IVD: variants seen among roughly 807,000 people sequenced by gnomAD.
IVD encodes isovaleryl-CoA dehydrogenase.
Under a neutral mutation model 51.3 loss-of-function variants are expected in IVD, and 31 were observed. That is an observed-to-expected ratio of 0.60 (90% CI 0.45 to 0.81). IVD has a LOEUF of 0.81. Among genes scored for constraint, IVD ranks in the 40% least tolerant of loss-of-function variants. The pLI is 0.00. For synonymous variants in IVD, 205 were observed against 219.4 expected (o/e 0.93, Z 0.58); for missense variants, 475 against 552.0 (o/e 0.86, Z 1.40).
intron 11 of IVD, 140 bp from the exon 12 acceptor site, chr15:40,417,990 C>T: frequency 2.8e-6 from 3 of 1,090,780 alleles, no homozygotes; most frequent in Non-Finnish European, 4.0e-6. Flanking sequence ...TTCCCCACAC[C>T]CCTCCCTCTT....
At chr15:40,432,938 G>A (rs956725966) in intron 7 of IVD, among the ~76,000 whole-genome samples, 2 of 152,254 alleles carry the variant, frequency 1.3e-5, no homozygotes, top group African/African-American at 2.4e-5. Context: ...TTCCAGTATG[G>A]AAGCAGGGCA....
At chr15:40,406,086 C>G in intron 1 of IVD, 115 bp downstream of exon 1, 2 of 1,542,900 alleles carry the variant, frequency 1.3e-6, no homozygotes, top group East Asian at 2.5e-5. Context: ...GGCTTTTGCC[C>G]GTGGGCCGTT....
chr15:40,427,307 G>C (rs911037266), downstream of IVD, among the ~76,000 whole-genome samples: 5 of 152,240 alleles, frequency 3.3e-5, no homozygotes, highest in Non-Finnish European at 7.3e-5. Flanking sequence ...ACATGGGTGA[G>C]CATGCACATG....
chr15:40,428,981 C>T (rs73385159), downstream of IVD, among the ~76,000 whole-genome samples: 194 of 152,298 alleles, frequency 1.3e-3, no homozygotes, highest in African/African-American at 4.5e-3. Context: ...CTGCATTCCC[C>T]TCATCCCCAA....
chr15:40,405,921 C>T lies in IVD; in HGVS notation c.94C>T (p.Leu32Phe). 1 of 1,613,148 alleles carries T rather than the reference C, an allele frequency of 6.2e-7. No homozygotes were observed. The highest frequency in any genetic ancestry group is 8.5e-7 in the Non-Finnish European group (1 of 1,179,832). The change falls in exon 1 of 12, where the codon CTT becomes TTT. Residue 32 changes from leucine to phenylalanine, a missense_variant. Physicochemically the swap from Leu to Phe is conservative, Grantham distance 22. Transcript: ENST00000487418. Reference protein sequence around the residue: ...AGFVSQRAHSLLPVDDAINGL... With the variant: ...AGFVSQRAHSFLPVDDAINGL... ...CTTCGTTTCCCAGCGGGCCCACTCG[C>T]TTTTGCCCGTGGACGATGCAATCAA...
At position 40,411,616 on chromosome 15, in the gene IVD, C is replaced by G; in HGVS notation, c.612C>G (p.Val204=). The change falls in exon 6 of 12, where the codon GTC becomes GTG. Residue 204 remains valine, a synonymous_variant. Transcript: ENST00000487418. The part of the protein sequence containing the change: ...FWITNGPDAD[V]LIVYAKTDLA... ...TCACTAATGGCCCTGATGCTGACGT[C>G]CTGATTGTCTATGCCAAGACAGATC... The G allele has an allele frequency of 6.2e-7, 1 of 1,614,200 alleles. No homozygotes were observed. Among genetic ancestry groups the G allele is most frequent in the Non-Finnish European group, 8.5e-7 (1 of 1,180,032 alleles).
rs771331238 is a variant in IVD, at chr15:40,410,548, G to A, written c.287-80G>A. ...TGCTACAAGGTGCTTCCCTTCTGCC[G>A]TCAAATGTAAGATTCTTAATGAATG... On this transcript the variant is annotated intron_variant, in intron 3 of 11. Transcript: ENST00000487418. 1.6e-4 allele frequency: 251 copies of A among 1,542,982 alleles called. 1 individual carries two copies. The highest frequency in any genetic ancestry group is 1.9e-4 in the Non-Finnish European group (215 of 1,117,680).
At position 40,420,877 on chromosome 15, in the gene IVD, G is replaced by T; in HGVS notation, c.*2614G>T. ...TCTGAGAAGGGAATGGGTCTGGGTTGTTCCACCCCTTCCGAGTTCCAAAAA... is the reference window on the plus strand; with the variant it reads ...TCTGAGAAGGGAATGGGTCTGGGTTTTTCCACCCCTTCCGAGTTCCAAAAA... On this transcript the variant is annotated 3_prime_UTR_variant, in exon 12 of 12. Transcript: ENST00000487418. 1 of 985,572 alleles carries T rather than the reference G, an allele frequency of 1.0e-6. No individual in the cohort carries two copies. 61.1% of individuals were successfully genotyped at this position (985,572 alleles called of 1,614,324 possible).
chr15:40,411,403 T>C, intron 5 of IVD, 50 bp downstream of exon 5: 5 of 1,604,406 alleles, frequency 3.1e-6, no homozygotes, highest in Non-Finnish European at 4.3e-6. Flanking sequence ...GTACAGACAT[T>C]ATCAGGATAA....
At chr15:40,413,160 A>C in intron 7 of IVD, 73 bp downstream of exon 7, 1 of 1,227,932 alleles carries the variant, frequency 8.1e-7, no homozygotes, top group Non-Finnish European at 1.2e-6. Context: ...TCTCAAGTTG[A>C]GAAAGCCTCT....
intron 9 of IVD, 77 bp downstream of exon 9, chr15:40,415,559 G>A: frequency 2.4e-6 from 3 of 1,266,260 alleles, no homozygotes; most frequent in Non-Finnish European, 2.3e-6. Flanking sequence ...AAGTGAGGTG[G>A]GCACCGTGGA....
Position 40,411,491 on chromosome 15 carries a change from G to C in IVD, c.551-64G>C, listed in dbSNP as rs8039298. ...GTGGACAGCTTCTTGCTCAGCAGAA[G>C]GTCTATGGCCTGGCTGAGACAGGCC... On this transcript the variant is annotated intron_variant, in intron 5 of 11. Transcript: ENST00000487418. 2.3e-3 allele frequency: 3,683 copies of C among 1,611,328 alleles called. 78 individuals carry two copies. In the African/African-American group the frequency reaches 0.043, roughly 19 times the overall value.
intron 7 of IVD, 56 bp from the exon 8 acceptor site, chr15:40,414,833 A>T: frequency 6.2e-7 from 1 of 1,608,312 alleles, no homozygotes; most frequent in East Asian, 2.2e-5. Flanking sequence ...TACCTTTGAT[A>T]AAAGTGAGGA....
chr15:40,419,085 G>T lies in IVD; in HGVS notation c.*822G>T, dbSNP rs373923824. ...CAGGAGGCGGACGTTGCAGTGAGCC[G>T]AGCTTGTGCCATTGCACTCCAGCCT... On this transcript the variant is annotated 3_prime_UTR_variant, in exon 12 of 12. Coordinates refer to ENST00000487418, the MANE Select transcript of IVD (RefSeq NM_002225.5). The T allele has an allele frequency of 2.6e-5, 30 of 1,160,010 alleles. No individual in the cohort carries two copies. In the East Asian group the frequency reaches 1.7e-3, roughly 64 times the overall value. The allele number at this position is 1,160,010 out of a possible 1,614,324, so 71.9% of individuals were successfully genotyped here.
At chr15:40,411,141 A>G (rs1891030512) in intron 4 of IVD, 119 bp from the exon 5 acceptor site, 1 of 988,432 alleles carries the variant, frequency 1.0e-6, no homozygotes, top group Non-Finnish European at 1.6e-6. Context: ...CTTTACCGAC[A>G]CCCTGGTCTG....
rs1891527496 is a variant in IVD at position 40,415,210 on chromosome 15, C to T, written c.879-191C>T. The T allele has an allele frequency of 4.1e-6, 3 of 734,244 alleles. No individual in the cohort carries two copies. The South Asian group carries it at 5.1e-5, about 12-fold the overall frequency. 45.5% of individuals were successfully genotyped at this position (734,244 alleles called of 1,614,324 possible). A position where few individuals can be genotyped will look rare whatever the true frequency, so the allele number is the denominator to read the frequency against. Reference sequence around the variant, plus strand: ...AAGGCCTGAGGAGCAGGGTGGCTTACTCGGCTGTGAAACGACACCTGGGCT... The same window carrying T: ...AAGGCCTGAGGAGCAGGGTGGCTTATTCGGCTGTGAAACGACACCTGGGCT... On this transcript the variant is annotated intron_variant, in intron 8 of 11. Coordinates refer to ENST00000487418, the MANE Select transcript of IVD (RefSeq NM_002225.5).
At chr15:40,417,029 G>A (rs1393118201) in intron 11 of IVD, among the ~76,000 whole-genome samples, 8 of 149,022 alleles carry the variant, frequency 5.4e-5, no homozygotes, top group African/African-American at 7.4e-5. Context: ...GTGAAACCCT[G>A]TTTCTACTAA....
downstream of IVD, among the ~76,000 whole-genome samples, chr15:40,426,129 G>A (rs1892659360): frequency 1.3e-5 from 2 of 152,090 alleles, no homozygotes; most frequent in Admixed American, 1.3e-4. Flanking sequence ...GAGCAGGACT[G>A]TAATCTCTTC....
chr15:40,406,184 T>A, intron 1 of IVD: 2 of 1,535,120 alleles, frequency 1.3e-6, no homozygotes, highest in South Asian at 2.4e-5. Context: ...GAGTGAAGAT[T>A]TGAGACCGTG....
Sources: gnomAD v4.1 joint callset for allele counts (sites outside exome capture counted in the v4.1 genomes callset) on GRCh38, gnomAD v4.1.1 for gene constraint, MANE v1.5 for transcripts, NCBI Gene and HGNC (gene_info 2026-07-23, HGNC 2026-07-21) for gene names.